GLI1: variants seen among roughly 807,000 people sequenced by gnomAD.
GLI1 encodes GLI family zinc finger 1.
Under a neutral mutation model 87.8 loss-of-function variants are expected in GLI1, and 51 were observed. The observed-to-expected ratio is 0.58, with a 90% confidence interval of 0.46 to 0.73. GLI1 has a LOEUF of 0.73. Among genes scored for constraint, GLI1 ranks in the 30% least tolerant of loss-of-function variants. The probability of loss-of-function intolerance (pLI) is 0.00; values close to 1 mark genes in which losing one functional copy is unlikely to be tolerated. For synonymous variants in GLI1, 528 were observed against 558.2 expected, an observed-to-expected ratio of 0.95 and a Z score of 0.76; for missense variants, 1,292 against 1,437.2, an observed-to-expected ratio of 0.90 and a Z score of 1.63.
intron 1 of GLI1, among the ~76,000 whole-genome samples, chr12:57,460,918 C>A (rs1460925742): frequency 6.6e-6 from 1 of 152,098 alleles, no homozygotes; most frequent in African/African-American, 2.4e-5. Flanking sequence ...TCAGGACCAC[C>A]GGGGCAGCGG....
In GLI1 at chr12:57,467,368, A is replaced by G. The variant is rs759508068; in HGVS notation, c.948A>G (p.Glu316=). The part of the protein sequence containing the change: ...EGCRKSYSRL[E]NLKTHLRSHT... The stretch of plus-strand genomic sequence containing the variant: ...GCCGGAAGTCATACTCACGCCTCGA[A>G]AACCTGAAGACGCACCTGCGGTCAC... The change falls in exon 9 of 12, where the codon GAA becomes GAG. Residue 316 remains glutamate, a synonymous_variant. Coordinates refer to ENST00000228682, the MANE Select transcript of GLI1 (RefSeq NM_005269.3). The G allele has an allele frequency of 6.2e-7, 1 of 1,611,302 alleles. No individual in the cohort carries two copies. Among genetic ancestry groups the G allele is most frequent in the South Asian group, 1.1e-5 (1 of 91,002 alleles).
chr12:57,463,756 T>A lies in GLI1; in HGVS notation c.65T>A (p.Leu22His). ...SYGEPCCLRP[L>H]PSQGAPSVGT... Reference sequence around the variant, plus strand: ...GGCGAGCCCTGCTGTCTCCGGCCCCTCCCCAGTCAGGGGGCCCCCAGTGTG... The same window carrying A: ...GGCGAGCCCTGCTGTCTCCGGCCCCACCCCAGTCAGGGGGCCCCCAGTGTG... Residue 22 changes from leucine (L) to histidine (H), a missense_variant, in exon 2 of 12, where the codon CTC becomes CAC. Physicochemically the swap from Leu to His is moderately conservative, Grantham distance 99. This residue lies in a region of GLI1 where 383 missense variants were observed against 368.4 expected (regional missense o/e 1.04). Coordinates refer to ENST00000228682, the MANE Select transcript of GLI1 (RefSeq NM_005269.3). 6.2e-7 allele frequency: 1 copy of A among 1,609,666 alleles called. No individual in the cohort carries two copies. The highest frequency in any genetic ancestry group is 8.5e-7 in the Non-Finnish European group (1 of 1,178,430).
rs1871439918 is a variant in GLI1 at position 57,465,802 on chromosome 12, G to A, written c.639G>A (p.Gly213=). The A allele has an allele frequency of 5.6e-6, 9 of 1,614,086 alleles. No homozygotes were observed. Among genetic ancestry groups the A allele is most frequent in the African/African-American group, 1.3e-5 (1 of 74,946 alleles). The change falls in exon 7 of 12, where the codon GGG becomes GGA. Residue 213 remains glycine (G), a synonymous_variant. Coordinates refer to ENST00000228682, the MANE Select transcript of GLI1 (RefSeq NM_005269.3). ...TCTTGCCCTAGGATCCCCTGTTGGG[G>A]ATGCTGGATGGGCGGGAGGACCTCG... ...NSTGIQDPLL[G]MLDGREDLER...
chr12:57,463,946 A>C (rs1871311315), intron 2 of GLI1, 53 bp from the exon 3 acceptor site: 8 of 1,364,318 alleles, frequency 5.9e-6, no homozygotes, highest in Non-Finnish European at 1.0e-6. Flanking sequence ...CTGGGGTTTT[A>C]AGGTGAGGTT....
At chr12:57,467,616 T>C (rs1204034709) in intron 9 of GLI1, 119 bp downstream of exon 9, 2 of 844,696 alleles carry the variant, frequency 2.4e-6, no homozygotes, top group Non-Finnish European at 3.6e-6. Flanking sequence ...CCTCCCCACA[T>C]AATTCGCCCA....
rs747819208 is a variant in GLI1 at position 57,463,807 on chromosome 12, A to G, written c.100+16A>G. 1 of 1,442,908 alleles carries G rather than the reference A, an allele frequency of 6.9e-7. No homozygotes were observed. The highest frequency in any genetic ancestry group is 1.7e-5 in the Admixed American group (1 of 58,706). The allele number at this position is 1,442,908 out of a possible 1,614,324, so 89.4% of individuals were successfully genotyped here. On this transcript the variant is annotated intron_variant, in intron 2 of 11. Transcript: ENST00000228682. Reference sequence around the variant, plus strand: ...GGGACAGAAGGTCAGTGTATATACCAATCCCTGGGCCTTGAGGATTTGGCA... The same window carrying G: ...GGGACAGAAGGTCAGTGTATATACCGATCCCTGGGCCTTGAGGATTTGGCA...
In GLI1 at chr12:57,470,494, A is replaced by C. The variant is rs1464108125; in HGVS notation, c.1754A>C (p.Gln585Pro). 1.2e-6 allele frequency: 2 copies of C among 1,613,834 alleles called. No individual in the cohort carries two copies. The highest frequency in any genetic ancestry group is 1.3e-5 in the African/African-American group (1 of 74,894). The change falls in exon 12 of 12, where the codon CAG becomes CCG. Residue 585 changes from glutamine to proline, a missense_variant. Around this residue, in one of 3 missense-constraint regions of GLI1, gnomAD observed 897 missense variants for 1,040.7 expected, o/e 0.86. Transcript: ENST00000228682. ...ASSLPGLMPA[Q>P]HYLLRARYAS... The stretch of plus-strand genomic sequence containing the variant: ...TCCCTGCCTGGCCTTATGCCTGCCC[A>C]GCACTACCTGCTTCGGGCAAGATAT...
rs1002814196 is a variant in GLI1, at chr12:57,472,202, T to C, written c.*141T>C. 2 of 638,872 alleles carry C rather than the reference T, an allele frequency of 3.1e-6. No homozygotes were observed. The highest frequency in any genetic ancestry group is 5.2e-6 in the Non-Finnish European group (2 of 386,650). The allele number at this position is 638,872 out of a possible 1,614,324, so 39.6% of individuals were successfully genotyped here. A position where few individuals can be genotyped will look rare whatever the true frequency, so the allele number is the denominator to read the frequency against. Reference sequence around the variant, plus strand: ...GGCTGGGGGCTATGTATAGTCTGTATACGTTTTGAGGAGAAATTTGATAAT... The same window carrying C: ...GGCTGGGGGCTATGTATAGTCTGTACACGTTTTGAGGAGAAATTTGATAAT... On this transcript the variant is annotated 3_prime_UTR_variant, in exon 12 of 12. Transcript: ENST00000228682.
At chr12:57,465,550 T>G in intron 5 of GLI1, 57 bp from the exon 6 acceptor site, 1 of 1,433,566 alleles carries the variant, frequency 7.0e-7, no homozygotes, top group Non-Finnish European at 9.7e-7. Context: ...TGGCTTGGTT[T>G]CCTCTTCCTT....
Position 57,465,159 on chromosome 12 carries a change from G to A in GLI1, c.438G>A (p.Ser146=), listed in dbSNP as rs148571068. ...PAQMNHQKGP[S]PSFGVQPCGP... ...AGATGAATCACCAAAAAGGGCCCTC[G>A]CCTTCCTTTGGGGTCCAGCCTTGTG... is the stretch of plus-strand genomic sequence containing the variant. The change falls in exon 5 of 12, where the codon TCG becomes TCA. Residue 146 remains serine, a synonymous_variant. Transcript: ENST00000228682. 1.7e-5 allele frequency: 28 copies of A among 1,613,924 alleles called. No homozygotes were observed. The highest frequency in any genetic ancestry group is 1.2e-4 in the Admixed American group (7 of 60,012).
chr12:57,465,813 G>A lies in GLI1; in HGVS notation c.650G>A (p.Gly217Glu). 1 of 1,614,222 alleles carries A rather than the reference G, an allele frequency of 6.2e-7. No homozygotes were observed. Among genetic ancestry groups the A allele is most frequent in the Non-Finnish European group, 8.5e-7 (1 of 1,180,020 alleles). The change falls in exon 7 of 12, where the codon GGG (glycine) becomes GAG (glutamate). Residue 217 changes from glycine to glutamate, a missense_variant. Transcript: ENST00000228682. Reference protein sequence around the residue: ...IQDPLLGMLDGREDLEREEKR... With the variant: ...IQDPLLGMLDEREDLEREEKR... The stretch of plus-strand genomic sequence containing the variant: ...GATCCCCTGTTGGGGATGCTGGATG[G>A]GCGGGAGGACCTCGAGAGAGAGGAG...
intron 5 of GLI1, 126 bp from the exon 6 acceptor site, chr12:57,465,481 C>T: frequency 1.2e-6 from 1 of 816,778 alleles, no homozygotes; most frequent in Non-Finnish European, 2.0e-6. Context: ...AGGAGGAAGT[C>T]CCTTCCAAAC....
In GLI1 at chr12:57,471,730, C is replaced by T; in HGVS notation, c.2990C>T (p.Thr997Ile). 1 of 1,577,886 alleles carries T rather than the reference C, an allele frequency of 6.3e-7. No individual in the cohort carries two copies. The highest frequency in any genetic ancestry group is 1.2e-5 in the South Asian group (1 of 84,098). Residue 997 changes from threonine to isoleucine, a missense_variant, in exon 12 of 12, where the codon ACT (threonine) becomes ATT (isoleucine). Physicochemically the swap from Thr to Ile is moderately conservative, Grantham distance 89. Transcript: ENST00000228682. The surrounding 1 kb of genome is among the most constrained non-coding windows in gnomAD (Gnocchi z 4.9). The stretch of plus-strand genomic sequence containing the variant: ...CCTCGACTTCTGCCCCCATTGCCCA[C>T]TTGCTATGGGCCTCTCAAAGTGGGA... Reference protein sequence around the residue: ...APPRLLPPLPTCYGPLKVGGT... With the variant: ...APPRLLPPLPICYGPLKVGGT...
Position 57,470,931 on chromosome 12 carries a change from G to C in GLI1, c.2191G>C (p.Gly731Arg). Reference protein sequence around the residue: ...YMDFPPTDTLGYGGPEGAAAE... With the variant: ...YMDFPPTDTLRYGGPEGAAAE... ...GGACTTCCCACCTACTGATACTCTG[G>C]GATATGGGGGACCTGAAGGGGCAGC... Residue 731 changes from glycine (G) to arginine (R), a missense_variant, in exon 12 of 12, where the codon GGA becomes CGA. Transcript: ENST00000228682. 6.2e-7 allele frequency: 1 copy of C among 1,614,000 alleles called. No individual in the cohort carries two copies. Among genetic ancestry groups the C allele is most frequent in the Non-Finnish European group, 8.5e-7 (1 of 1,179,954 alleles).
chr12:57,464,677 A>G lies in GLI1; in HGVS notation c.198A>G (p.Pro66=), dbSNP rs1486183942. ...CTCCGCTGTCTCCTGCCCCAGGCCC[A>G]CTCTTTTCTTCTCCCCGGAGTGCAG... is the stretch of plus-strand genomic sequence containing the variant. ...ARETNSCTEG[P]LFSSPRSAVK... The change falls in exon 4 of 12, where the codon CCA becomes CCG. Residue 66 remains proline (P), a synonymous_variant. Coordinates refer to ENST00000228682, the MANE Select transcript of GLI1 (RefSeq NM_005269.3). 6.2e-7 allele frequency: 1 copy of G among 1,613,112 alleles called. No individual in the cohort carries two copies. The highest frequency in any genetic ancestry group is 1.1e-5 in the South Asian group (1 of 91,022).
rs776846382 is a variant in GLI1 at position 57,465,232 on chromosome 12, C to G, written c.511C>G (p.Arg171Gly). ...RGGMIPHPQS[R>G]GPFPTCQLKS... ...TGGGATGATCCCACATCCTCAGTCC[C>G]GGGGACCCTTCCCAACTTGCCAGGT... Residue 171 changes from arginine (R) to glycine (G), a missense_variant, in exon 5 of 12, where the codon CGG becomes GGG. By Grantham distance (125) the Arg-to-Gly change is moderately radical. Around this residue, in one of 3 missense-constraint regions of GLI1, gnomAD observed 383 missense variants for 368.4 expected, o/e 1.04. Transcript: ENST00000228682. 1 of 1,600,332 alleles carries G rather than the reference C, an allele frequency of 6.2e-7. No homozygotes were observed. Among genetic ancestry groups the G allele is most frequent in the Non-Finnish European group, 8.5e-7 (1 of 1,172,704 alleles).
At chr12:57,469,330 C>G (rs752072065) in intron 10 of GLI1, 101 bp from the exon 11 acceptor site, 42 of 1,231,160 alleles carry the variant, frequency 3.4e-5, no homozygotes, top group Non-Finnish European at 4.1e-5. Context: ...TACAAGCTTC[C>G]TTGGAACCCC....
At position 57,464,758 on chromosome 12, in the gene GLI1, G is replaced by A. The variant is rs1232404933; in HGVS notation, c.279G>A (p.Leu93=). Reference sequence around the variant, plus strand: ...TCTCACCTCTGTCGGATGCCAGCCTGGACCTGCAGACGGTTATCCGCACCT... The same window carrying A: ...TCTCACCTCTGTCGGATGCCAGCCTAGACCTGCAGACGGTTATCCGCACCT... ...LSISPLSDAS[L]DLQTVIRTSP... The change falls in exon 4 of 12, where the codon CTG becomes CTA. Residue 93 remains leucine, a synonymous_variant. Coordinates refer to ENST00000228682, the MANE Select transcript of GLI1 (RefSeq NM_005269.3). 1 of 1,613,704 alleles carries A rather than the reference G, an allele frequency of 6.2e-7. No individual in the cohort carries two copies. Among genetic ancestry groups the A allele is most frequent in the African/African-American group, 1.3e-5 (1 of 74,886 alleles).
At chr12:57,466,463 G>A in intron 8 of GLI1, 74 bp downstream of exon 8, 1 of 1,168,744 alleles carries the variant, frequency 8.6e-7, no homozygotes, top group Non-Finnish European at 1.2e-6. Flanking sequence ...GCCCAAGGCA[G>A]ACTTTTGCTT....
Sources: gnomAD v4.1 joint callset for allele counts (sites outside exome capture counted in the v4.1 genomes callset) on GRCh38, gnomAD v4.1.1 for gene constraint, gnomAD v4.1.1 regional missense constraint, Gnocchi (gnomAD v3.1) non-coding constraint, MANE v1.5 for transcripts, NCBI Gene and HGNC (gene_info 2026-07-23, HGNC 2026-07-21) for gene names.